The following PLXNA2 variants were observed in gnomAD, a reference collection of about 807,000 sequenced individuals.
The protein encoded by PLXNA2 is plexin A2.
A neutral mutation model predicts 193.5 loss-of-function variants in PLXNA2; 91 were observed. That is an observed-to-expected ratio of 0.47 (90% confidence interval 0.40 to 0.56). The LOEUF is 0.56. Among genes scored for constraint, PLXNA2 ranks in the 20% least tolerant of loss-of-function variants. The pLI, the probability that PLXNA2 is intolerant of heterozygous loss-of-function variation, is 0.00. For missense variants in PLXNA2, 1,995 were observed against 2,503.2 expected (o/e 0.80, Z 4.33); for synonymous variants, 997 against 1,027.3 (o/e 0.97, Z 0.56).
intron 3 of PLXNA2, among the ~76,000 whole-genome samples, chr1:208,153,938 G>A (rs552887450): frequency 8.9e-4 from 133 of 148,920 alleles, no homozygotes; most frequent in Middle Eastern, 6.9e-3. Flanking sequence ...CCAGGAGAGG[G>A]GCTTTAATAA....
rs1471403498 is a variant in PLXNA2 at position 208,024,270 on chromosome 1, G to A, written c.*2973C>T. The A allele has an allele frequency of 1.3e-5, 2 of 152,102 alleles. No individual in the cohort carries two copies. Among genetic ancestry groups the A allele is most frequent in the African/African-American group, 4.8e-5 (2 of 41,416 alleles). 9.4% of individuals were successfully genotyped at this position (152,102 alleles called of 1,614,324 possible). A position where few individuals can be genotyped will look rare whatever the true frequency, so the allele number is the denominator to read the frequency against. On this transcript the variant is annotated 3_prime_UTR_variant, in exon 32 of 32. Coordinates refer to ENST00000367033, the MANE Select transcript of PLXNA2 (RefSeq NM_025179.4). ...GCTTTAACACTTCATCCTTACCCAAGGTCAAAATATCCTCAAATTGGATAA... is the reference window on the plus strand; with the variant it reads ...GCTTTAACACTTCATCCTTACCCAAAGTCAAAATATCCTCAAATTGGATAA...
At chr1:208,201,973 ATTT>A (rs59313982) in intron 3 of PLXNA2, among the ~76,000 whole-genome samples, 20 of 132,648 alleles carry the variant, frequency 1.5e-4, no homozygotes, top group African/African-American at 4.3e-4. Flanking sequence ...CAGGGCAAGA[ATTT>A]TTTTTTTTTT....
At chr1:208,219,881 G>A (rs1456239458) in intron 1 of PLXNA2, among the ~76,000 whole-genome samples, 1 of 152,204 alleles carries the variant, frequency 6.6e-6, no homozygotes, top group Non-Finnish European at 1.5e-5. Flanking sequence ...CACCGGCAAA[G>A]CCTCCCAACA....
At chr1:208,163,771 A>G (rs963982143) in intron 3 of PLXNA2, among the ~76,000 whole-genome samples, 2 of 152,170 alleles carry the variant, frequency 1.3e-5, no homozygotes, top group African/African-American at 4.8e-5. Flanking sequence ...TTGTGCAACA[A>G]CTTGCTGGTG....
rs561414754 is a variant in PLXNA2 at position 208,166,774 on chromosome 1, G to C, written c.1372-24311C>G. Among the ~76,000 whole-genome samples the C allele has an allele frequency of 2.0e-5, 3 of 152,270 alleles. No homozygotes were observed. In the East Asian group the frequency reaches 5.8e-4, roughly 29 times the overall value. On this transcript the variant is annotated intron_variant, in intron 3 of 31. Coordinates refer to ENST00000367033, the MANE Select transcript of PLXNA2 (RefSeq NM_025179.4). ...AGGTGCCATGTGGAGTGGGAGGAGA[G>C]GGGAAACACATATTGAAAGAAACCT...
At chr1:208,052,031 C>T (rs971047036) in intron 15 of PLXNA2, among the ~76,000 whole-genome samples, 2 of 152,186 alleles carry the variant, frequency 1.3e-5, no homozygotes, top group African/African-American at 4.8e-5. Flanking sequence ...AGTGAGGACT[C>T]AATGAATGCT....
intron 4 of PLXNA2, among the ~76,000 whole-genome samples, chr1:208,111,733 A>G (rs188452544): frequency 6.6e-6 from 1 of 152,312 alleles, no homozygotes; most frequent in East Asian, 1.9e-4. Context: ...GTTTGTTCTC[A>G]GTGTTAGATC....
intron 4 of PLXNA2, among the ~76,000 whole-genome samples, chr1:208,108,568 T>C (rs1488338084): frequency 6.6e-6 from 1 of 152,216 alleles, no homozygotes; most frequent in African/African-American, 2.4e-5. Context: ...TCTGAGCTCT[T>C]CTATGGCTCT....
chr1:208,131,020 A>G (rs966874131), intron 4 of PLXNA2, among the ~76,000 whole-genome samples: 1 of 152,210 alleles, frequency 6.6e-6, no homozygotes, highest in African/African-American at 2.4e-5. Context: ...ATGTCCCTGG[A>G]TAAAAGGCCT....
intron 12 of PLXNA2, among the ~76,000 whole-genome samples, chr1:208,067,305 T>C (rs35010436): frequency 0.48 from 71,185 of 149,844 alleles, 17,681 homozygotes; most frequent in Non-Finnish European, 0.55. Context: ...GATCGCACCA[T>C]TGCACTCCAG....
At chr1:208,177,793 G>T (rs999762862) in intron 3 of PLXNA2, among the ~76,000 whole-genome samples, 3 of 152,252 alleles carry the variant, frequency 2.0e-5, no homozygotes, top group Admixed American at 2.0e-4. Flanking sequence ...CAAATTCTTG[G>T]GGCCTGCCCC....
At chr1:208,151,324 A>G (rs993792545) in intron 3 of PLXNA2, among the ~76,000 whole-genome samples, 1 of 152,208 alleles carries the variant, frequency 6.6e-6, no homozygotes, top group African/African-American at 2.4e-5. Context: ...CACTGCACAC[A>G]GGTTCCTTTC....
At chr1:208,157,772 G>A (rs796357577) in intron 3 of PLXNA2, among the ~76,000 whole-genome samples, 2 of 152,274 alleles carry the variant, frequency 1.3e-5, no homozygotes, top group African/African-American at 4.8e-5. Flanking sequence ...AACTCCTATG[G>A]GTCTGGCCCA....
At chr1:208,066,367 C>G (rs189545247) in intron 12 of PLXNA2, among the ~76,000 whole-genome samples, 94 of 152,328 alleles carry the variant, frequency 6.2e-4, no homozygotes, top group African/African-American at 2.1e-3. Flanking sequence ...GCCCCTCACA[C>G]TTGGGACCCC....
intron 3 of PLXNA2, among the ~76,000 whole-genome samples, chr1:208,150,199 C>G (rs1668716267): frequency 6.6e-6 from 1 of 152,230 alleles, no homozygotes; most frequent in Admixed American, 6.5e-5. Context: ...CACCCTTACA[C>G]ACACACGCAC....
intron 3 of PLXNA2, among the ~76,000 whole-genome samples, chr1:208,146,684 T>C (rs925199057): frequency 6.6e-6 from 1 of 152,130 alleles, no homozygotes; most frequent in African/African-American, 2.4e-5. Flanking sequence ...AGCCAACCAA[T>C]TGAGTTTATT....
intron 9 of PLXNA2, among the ~76,000 whole-genome samples, chr1:208,086,054 C>G (rs1370826279): frequency 1.3e-5 from 2 of 152,178 alleles, no homozygotes; most frequent in Non-Finnish European, 2.9e-5. Context: ...GCAAGGCCGT[C>G]CCTGCCCCTG....
At position 208,087,414 on chromosome 1, in the gene PLXNA2, AG is replaced by A. The variant is rs1462283642; in HGVS notation, c.2098-2835del. 4.0e-5 allele frequency among the ~76,000 whole-genome samples: 6 copies of A among 150,666 alleles called. No individual in the cohort carries two copies. In the East Asian group the frequency reaches 1.2e-3, roughly 29 times the overall value. On this transcript the variant is annotated intron_variant, in intron 9 of 31. Coordinates refer to ENST00000367033, the MANE Select transcript of PLXNA2 (RefSeq NM_025179.4). ...ATTACATGAGTTTTTTTTTTTTTTA[AG>A]GGATTCTAGAATTTTAGGAAATTTC...
chr1:208,150,673 G>A (rs556058794), intron 3 of PLXNA2, among the ~76,000 whole-genome samples: 99 of 152,270 alleles, frequency 6.5e-4, no homozygotes, highest in Admixed American at 4.9e-3. Context: ...TCAGACAAGG[G>A]TGGATGAGGA....
Sources: allele counts gnomAD v4.1 joint callset (sites outside exome capture counted in the v4.1 genomes callset), GRCh38; gene constraint gnomAD v4.1.1; transcripts MANE v1.5; gene names NCBI Gene and HGNC (gene_info 2026-07-23, HGNC 2026-07-21).